Variants in CEP128 observed in about 807,000 individuals in gnomAD.
CEP128 encodes centrosomal protein 128.
In CEP128, 132 loss-of-function variants were observed where a neutral mutation model predicts 156.7. That is an observed-to-expected ratio of 0.84 (90% CI 0.73 to 0.97). The LOEUF (loss-of-function observed/expected upper bound fraction) is 0.97. Among genes scored for constraint, CEP128 ranks in the 50% least tolerant of loss-of-function variants. The probability of loss-of-function intolerance (pLI) is 0.00; values close to 1 mark genes in which losing one functional copy is unlikely to be tolerated. For synonymous variants in CEP128, 469 were observed against 448.9 expected, an observed-to-expected ratio of 1.04 and a Z score of -0.57; for missense variants, 1,252 against 1,281.9, an observed-to-expected ratio of 0.98 and a Z score of 0.36.
At chr14:80,672,249 C>T (rs533039424) in intron 19 of CEP128, among the ~76,000 whole-genome samples, 2 of 151,638 alleles carry the variant, frequency 1.3e-5, no homozygotes, top group South Asian at 4.2e-4. Context: ...GAAGTCTTCT[C>T]TTGTTTCTCT....
At chr14:80,716,529 C>A (rs972364163) in intron 19 of CEP128, among the ~76,000 whole-genome samples, 1 of 152,202 alleles carries the variant, frequency 6.6e-6, no homozygotes, top group Non-Finnish European at 1.5e-5. Context: ...ATTGACTTTT[C>A]ATATGCATGA....
intron 2 of CEP128, among the ~76,000 whole-genome samples, chr14:80,951,632 A>G (rs1886467725): frequency 6.6e-6 from 1 of 152,106 alleles, no homozygotes; most frequent in South Asian, 2.1e-4. Flanking sequence ...ATAGAAAACT[A>G]ATAGCAAGAT....
intron 2 of CEP128, among the ~76,000 whole-genome samples, chr14:80,952,509 G>A (rs1886488575): frequency 6.6e-6 from 1 of 151,964 alleles, no homozygotes; most frequent in African/African-American, 2.4e-5. Flanking sequence ...AAGTAGTATA[G>A]GGAAAGTCTA....
intron 19 of CEP128, among the ~76,000 whole-genome samples, chr14:80,640,971 C>A (rs1414206958): frequency 2.6e-5 from 4 of 152,190 alleles, no homozygotes; most frequent in Admixed American, 2.6e-4. Context: ...TTAATTAATG[C>A]ATTTACATTC....
chr14:80,575,365 C>T (rs1368747355), intron 20 of CEP128, among the ~76,000 whole-genome samples: 1 of 151,936 alleles, frequency 6.6e-6, no homozygotes, highest in African/African-American at 2.4e-5. Context: ...ATATGTAGCC[C>T]AATAATCAAT....
At chr14:80,527,334 G>A (rs964180118) in intron 22 of CEP128, 3 of 361,502 alleles carry the variant, frequency 8.3e-6, no homozygotes, top group South Asian at 2.3e-5. Flanking sequence ...GGAGGCTGAG[G>A]TGGGAGAATG....
At chr14:80,819,675 C>T (rs1185030385) in intron 13 of CEP128, among the ~76,000 whole-genome samples, 4 of 152,042 alleles carry the variant, frequency 2.6e-5, no homozygotes, top group Admixed American at 6.5e-5. Context: ...TGAATTTTGG[C>T]GGAACACAAT....
At chr14:80,711,295 TTGTGTGTGTGTGTG>T (rs138953286) in intron 19 of CEP128, among the ~76,000 whole-genome samples, 4 of 145,844 alleles carry the variant, frequency 2.7e-5, no homozygotes, top group Admixed American at 6.9e-5. Flanking sequence ...TAAGACTATG[TTGTGTGTGTGTGTG>T]TGTGTGTGTG....
chr14:80,487,230 T>C (rs529399983), downstream of CEP128, among the ~76,000 whole-genome samples: 1 of 152,050 alleles, frequency 6.6e-6, no homozygotes, highest in South Asian at 2.1e-4. Flanking sequence ...GCAATCCTAG[T>C]CTCTGATAAA....
chr14:80,728,925 G>A (rs1241849881), intron 19 of CEP128, among the ~76,000 whole-genome samples: 6 of 151,988 alleles, frequency 3.9e-5, no homozygotes, highest in Non-Finnish European at 7.4e-5. Context: ...CTGCCAACGC[G>A]GAGTCACAGA....
intron 19 of CEP128, among the ~76,000 whole-genome samples, chr14:80,734,627 A>T (rs531732479): frequency 2.0e-5 from 3 of 152,062 alleles, no homozygotes; most frequent in African/African-American, 7.2e-5. Context: ...AGGCGGGCAG[A>T]TCATGAGGTC....
In CEP128 at chr14:80,831,321, G is replaced by A. The variant is rs768087285; in HGVS notation, c.1058-27C>T. ...TTAAAAGATAAAATGTAAGGCTCAA[G>A]GGTTGTTCTTTATTCACAGAAGAAT... On this transcript the variant is annotated intron_variant, in intron 12 of 24. Coordinates refer to ENST00000555265, the MANE Select transcript of CEP128 (RefSeq NM_152446.5). 5.6e-6 allele frequency: 9 copies of A among 1,610,388 alleles called. No homozygotes were observed. In the South Asian group the frequency reaches 9.9e-5, roughly 18 times the overall value.
At chr14:80,607,006 A>G (rs1892807898) in intron 19 of CEP128, among the ~76,000 whole-genome samples, 2 of 151,522 alleles carry the variant, frequency 1.3e-5, no homozygotes, top group South Asian at 2.1e-4. Context: ...CATATATTTT[A>G]ATACATATAT....
intron 21 of CEP128, among the ~76,000 whole-genome samples, chr14:80,547,037 T>TA (rs539763273): frequency 7.9e-5 from 12 of 152,174 alleles, no homozygotes; most frequent in Non-Finnish European, 1.8e-4. Context: ...ACAAACTTTA[T>TA]AAAATCTTGT....
intron 24 of CEP128, among the ~76,000 whole-genome samples, chr14:80,503,485 G>A (rs1887831295): frequency 6.6e-6 from 1 of 152,026 alleles, no homozygotes; most frequent in Non-Finnish European, 1.5e-5. Context: ...TTCCCTCTAG[G>A]TGCATTTCTA....
intron 19 of CEP128, among the ~76,000 whole-genome samples, chr14:80,636,208 G>T (rs1036758352): frequency 6.6e-6 from 1 of 152,176 alleles, no homozygotes; most frequent in Non-Finnish European, 1.5e-5. Context: ...ATGGTAGTCA[G>T]TGACTATTTG....
chr14:80,512,856 TA>T (rs1487414664), intron 23 of CEP128, among the ~76,000 whole-genome samples: 2 of 152,030 alleles, frequency 1.3e-5, no homozygotes, highest in Admixed American at 1.3e-4. Flanking sequence ...AGAAAACCAA[TA>T]AAAACACTTT....
At chr14:80,815,994 T>G (rs910461557) in intron 13 of CEP128, among the ~76,000 whole-genome samples, 3 of 151,958 alleles carry the variant, frequency 2.0e-5, no homozygotes, top group African/African-American at 7.3e-5. Flanking sequence ...TCTTAATGGG[T>G]ACAATGTGTA....
intron 19 of CEP128, among the ~76,000 whole-genome samples, chr14:80,609,663 A>C (rs1016771221): frequency 2.6e-5 from 4 of 152,192 alleles, no homozygotes; most frequent in Admixed American, 1.3e-4. Context: ...CATTACCAGT[A>C]CACCCTAACC....
Sources: gnomAD v4.1 joint callset for allele counts (sites outside exome capture counted in the v4.1 genomes callset) on GRCh38, gnomAD v4.1.1 for gene constraint, MANE v1.5 for transcripts, NCBI Gene and HGNC (gene_info 2026-07-23, HGNC 2026-07-21) for gene names.